The following EFHD1 variants were observed in gnomAD, a reference collection of about 807,000 sequenced individuals.
EFHD1 encodes EF-hand domain-containing protein D1.
Under a neutral mutation model 17.2 loss-of-function variants are expected in EFHD1, and 10 were observed. That is an observed-to-expected ratio of 0.58 (90% CI 0.36 to 0.99). The LOEUF is 0.99. Among genes scored for constraint, EFHD1 ranks in the 50% least tolerant of loss-of-function variants. EFHD1 has a pLI of 0.01. For missense variants in EFHD1, 310 were observed against 327.5 expected, an observed-to-expected ratio of 0.95 and a Z score of 0.41; for synonymous variants, 153 against 142.0, an observed-to-expected ratio of 1.08 and a Z score of -0.55.
At chr2:232,660,451 T>C (rs1343276706) in intron 1 of EFHD1, among the ~76,000 whole-genome samples, 1 of 151,806 alleles carries the variant, frequency 6.6e-6, no homozygotes. Context: ...CCACCCGCCT[T>C]GGCCTCCCAA....
At chr2:232,652,743 T>C (rs903503249) in intron 1 of EFHD1, among the ~76,000 whole-genome samples, 1 of 152,124 alleles carries the variant, frequency 6.6e-6, no homozygotes, top group Non-Finnish European at 1.5e-5. Flanking sequence ...TGCAGTTCCC[T>C]AGGTAGACAT....
At chr2:232,621,574 TC>T (rs1694019218) in intron 1 of EFHD1, among the ~76,000 whole-genome samples, 1 of 152,136 alleles carries the variant, frequency 6.6e-6, no homozygotes, top group African/African-American at 2.4e-5. Context: ...TGCCTCAGCC[TC>T]CCAAGTAGCT....
At chr2:232,667,283 C>A (rs1353718096) in intron 2 of EFHD1, among the ~76,000 whole-genome samples, 1 of 152,110 alleles carries the variant, frequency 6.6e-6, no homozygotes, top group African/African-American at 2.4e-5. Context: ...TCTGACCAGG[C>A]CAATCGAATT....
intron 1 of EFHD1, among the ~76,000 whole-genome samples, chr2:232,613,744 A>C (rs1286261676): frequency 6.6e-6 from 1 of 151,788 alleles, no homozygotes; most frequent in Non-Finnish European, 1.5e-5. Flanking sequence ...GCACACACAT[A>C]CACACACAAA....
chr2:232,619,374 G>A (rs1280980873), intron 1 of EFHD1, among the ~76,000 whole-genome samples: 3 of 148,530 alleles, frequency 2.0e-5, no homozygotes, highest in African/African-American at 5.0e-5. Context: ...GTGATGGCGC[G>A]ATCTCGGCTC....
chr2:232,641,372 A>G (rs1182157087), intron 1 of EFHD1, among the ~76,000 whole-genome samples: 3 of 152,120 alleles, frequency 2.0e-5, no homozygotes, highest in South Asian at 2.1e-4. Context: ...AAGGTCTTGC[A>G]AGGTGGTGAG....
intron 2 of EFHD1, among the ~76,000 whole-genome samples, chr2:232,664,541 T>G (rs2106212439): frequency 6.6e-6 from 1 of 151,898 alleles, no homozygotes; most frequent in East Asian, 1.9e-4. Flanking sequence ...TCAAGCAATC[T>G]TCCTGTCTTG....
rs115457859 is a variant in EFHD1 at position 232,619,829 on chromosome 2, A to C, written c.14+13656A>C. 5.4e-3 allele frequency among the ~76,000 whole-genome samples: 815 copies of C among 152,074 alleles called. 8 individuals carry two copies. The highest frequency in any genetic ancestry group is 0.018 in the African/African-American group (743 of 41,488). On this transcript the variant is annotated intron_variant, in intron 1 of 3. Transcript: ENST00000409613. Reference sequence around the variant, plus strand: ...GAGGATCACTTGAGCCCAGGAGTTCAAGGCTGCATTGAGCTATGATCCTAT... The same window carrying C: ...GAGGATCACTTGAGCCCAGGAGTTCCAGGCTGCATTGAGCTATGATCCTAT...
chr2:232,613,974 A>C (rs1183894268), intron 1 of EFHD1, among the ~76,000 whole-genome samples: 1 of 151,920 alleles, frequency 6.6e-6, no homozygotes, highest in Admixed American at 6.6e-5. Context: ...ACACACGTGA[A>C]TACACACACA....
chr2:232,669,033 C>A (rs1197237984), intron 2 of EFHD1, among the ~76,000 whole-genome samples: 1 of 152,088 alleles, frequency 6.6e-6, no homozygotes, highest in African/African-American at 2.4e-5. Context: ...GGAGGTGGGG[C>A]CTTCTGTGAA....
chr2:232,641,234 G>A (rs1170845035), intron 1 of EFHD1, among the ~76,000 whole-genome samples: 1 of 152,012 alleles, frequency 6.6e-6, no homozygotes, highest in East Asian at 1.9e-4. Context: ...TAGAGACGGG[G>A]TTTTGACATG....
intron 1 of EFHD1, among the ~76,000 whole-genome samples, chr2:232,655,374 G>T (rs778432476): frequency 6.6e-5 from 10 of 152,206 alleles, no homozygotes; most frequent in Non-Finnish European, 1.5e-4. Flanking sequence ...CCAGAGAAGT[G>T]CTTCTCAGAG....
At position 232,670,096 on chromosome 2, in the gene EFHD1, G is replaced by A. The variant is rs181806780; in HGVS notation, c.451-2213G>A. On this transcript the variant is annotated intron_variant, in intron 2 of 3. Transcript: ENST00000264059. ...GCTTAGATAGCAGTTGTTTAAAGAA[G>A]AGAACTAAAAAAGCCACAAAATTGC... 1.3e-4 allele frequency among the ~76,000 whole-genome samples: 20 copies of A among 152,208 alleles called. No individual in the cohort carries two copies. The East Asian group carries it at 3.9e-3, about 29-fold the overall frequency.
chr2:232,641,696 A>C (rs1419611695), intron 1 of EFHD1, among the ~76,000 whole-genome samples: 2 of 152,238 alleles, frequency 1.3e-5, no homozygotes, highest in Admixed American at 1.3e-4. Flanking sequence ...TTTGGCCTGC[A>C]GGCCCAAGTT....
At chr2:232,629,221 T>G (rs1244291052), upstream of EFHD1, among the ~76,000 whole-genome samples, 1 of 152,192 alleles carries the variant, frequency 6.6e-6, no homozygotes, top group Non-Finnish European at 1.5e-5. Context: ...TACACAGCAA[T>G]AGAACTGAAC....
chr2:232,633,585 G>T, upstream of EFHD1: 3 of 1,302,796 alleles, frequency 2.3e-6, no homozygotes, highest in Non-Finnish European at 2.9e-6. Flanking sequence ...CCCAACCGCC[G>T]GGTCCCCGCC....
intron 1 of EFHD1, among the ~76,000 whole-genome samples, chr2:232,617,433 A>G (rs572243374): frequency 1.6e-3 from 236 of 149,474 alleles, no homozygotes; most frequent in African/African-American, 5.6e-3. Flanking sequence ...GTGGATCACG[A>G]GGTCAGGAGA....
intron 1 of EFHD1, among the ~76,000 whole-genome samples, chr2:232,661,255 G>A (rs768768205): frequency 6.6e-5 from 10 of 151,802 alleles, no homozygotes; most frequent in African/African-American, 1.2e-4. Context: ...ACCATCCATC[G>A]CCAGAACCTT....
intron 1 of EFHD1, among the ~76,000 whole-genome samples, chr2:232,627,032 CTCTCTA>C (rs1279842614): frequency 2.9e-4 from 18 of 61,718 alleles, no homozygotes; most frequent in Middle Eastern, 5.6e-3. Flanking sequence ...CTCTCTCTCT[CTCTCTA>C]TATATATATA....
Sources: gnomAD v4.1 joint callset for allele counts (sites outside exome capture counted in the v4.1 genomes callset) on GRCh38, gnomAD v4.1.1 for gene constraint, MANE v1.5 for transcripts, NCBI Gene and HGNC (gene_info 2026-07-23, HGNC 2026-07-21) for gene names.